The following CTNNA3 variants were observed in gnomAD, a reference collection of about 807,000 sequenced individuals.
CTNNA3 encodes the protein catenin alpha 3.
A neutral mutation model predicts 95.7 loss-of-function variants in CTNNA3; 76 were observed. The ratio of observed to expected loss-of-function variants is 0.79; its 90% CI spans 0.66 to 0.96. The LOEUF is 0.96. CTNNA3 is among the 40% of genes least tolerant of loss of function. The probability of loss-of-function intolerance (pLI) is 0.00; values close to 1 mark genes in which losing one functional copy is unlikely to be tolerated. For synonymous variants in CTNNA3, 431 were observed against 374.4 expected (o/e 1.15, Z -1.74); for missense variants, 1,191 against 1,089.8 (o/e 1.09, Z -1.31).
At chr10:67,474,547 T>C (rs1847935631) in intron 5 of CTNNA3, among the ~76,000 whole-genome samples, 1 of 152,180 alleles carries the variant, frequency 6.6e-6, no homozygotes, top group Non-Finnish European at 1.5e-5. Context: ...CCACCCAGTC[T>C]GAGTTCTTTT....
chr10:66,045,506 T>C (rs892202384), intron 15 of CTNNA3, among the ~76,000 whole-genome samples: 11 of 152,188 alleles, frequency 7.2e-5, no homozygotes, highest in Admixed American at 1.3e-4. Flanking sequence ...TGTAGAAATA[T>C]ATTTATTTAC....
At chr10:66,353,769 C>G (rs1008019951) in intron 12 of CTNNA3, among the ~76,000 whole-genome samples, 5 of 151,744 alleles carry the variant, frequency 3.3e-5, no homozygotes, top group Non-Finnish European at 5.9e-5. Context: ...GATTAATCAA[C>G]CCAGGGATAG....
intron 8 of CTNNA3, among the ~76,000 whole-genome samples, chr10:66,774,605 T>C (rs1164342854): frequency 6.6e-6 from 1 of 152,156 alleles, no homozygotes; most frequent in Non-Finnish European, 1.5e-5. Flanking sequence ...AATTAAAAGA[T>C]TGCTTAGCCA....
chr10:67,620,932 T>C (rs1280130325), intron 2 of CTNNA3, among the ~76,000 whole-genome samples: 2 of 117,526 alleles, frequency 1.7e-5, no homozygotes, highest in African/African-American at 4.3e-5. Context: ...TGTATATATA[T>C]ATATATATAT....
chr10:66,882,123 A>T (rs1844872603), intron 7 of CTNNA3, among the ~76,000 whole-genome samples: 1 of 152,030 alleles, frequency 6.6e-6, no homozygotes, highest in African/African-American at 2.4e-5. Context: ...TACATATCAA[A>T]ATATTTAGCA....
Position 66,798,477 on chromosome 10 carries a change from A to T in CTNNA3, c.1048-22953T>A, listed in dbSNP as rs534215593. 4.6e-5 allele frequency among the ~76,000 whole-genome samples: 7 copies of T among 151,836 alleles called. No individual in the cohort carries two copies. In the South Asian group the frequency reaches 1.5e-3, roughly 31 times the overall value. On this transcript the variant is annotated intron_variant, in intron 7 of 17. Coordinates refer to ENST00000433211, the MANE Select transcript of CTNNA3 (RefSeq NM_013266.4). The stretch of plus-strand genomic sequence containing the variant: ...AAATTGTGAAAATGGTGTAAAAGTG[A>T]TGGAAGTTTGGGAAACTCTGGAGTT...
At chr10:66,090,042 C>G (rs1395251266) in intron 14 of CTNNA3, among the ~76,000 whole-genome samples, 1 of 151,938 alleles carries the variant, frequency 6.6e-6, no homozygotes, top group Non-Finnish European at 1.5e-5. Context: ...ACATTCGTGA[C>G]TACATAATTG....
chr10:66,267,829 T>G (rs59294631), intron 13 of CTNNA3, among the ~76,000 whole-genome samples: 157 of 152,246 alleles, frequency 1.0e-3, no homozygotes, highest in African/African-American at 3.7e-3. Flanking sequence ...TCAAAAAGAT[T>G]ATGTATAGCT....
At chr10:66,915,722 A>G (rs1184780641) in intron 7 of CTNNA3, among the ~76,000 whole-genome samples, 1 of 146,482 alleles carries the variant, frequency 6.8e-6, no homozygotes, top group Non-Finnish European at 1.5e-5. Context: ...ATATATATAT[A>G]TACACACACA....
At chr10:67,158,973 T>TA (rs756151669) in intron 7 of CTNNA3, among the ~76,000 whole-genome samples, 118 of 151,908 alleles carry the variant, frequency 7.8e-4, no homozygotes, top group Non-Finnish European at 8.1e-4. Flanking sequence ...TACCTGTTTT[T>TA]AAAAAAAACA....
intron 17 of CTNNA3, among the ~76,000 whole-genome samples, chr10:65,940,914 C>G (rs2077419909): frequency 6.6e-6 from 1 of 152,136 alleles, no homozygotes; most frequent in African/African-American, 2.4e-5. Flanking sequence ...CAGAATGCCA[C>G]AATAATAATT....
intron 10 of CTNNA3, among the ~76,000 whole-genome samples, chr10:66,595,680 A>G (rs971275344): frequency 6.6e-6 from 1 of 152,062 alleles, no homozygotes; most frequent in African/African-American, 2.4e-5. Context: ...TCTGTTGCCC[A>G]GGCCAGAGGG....
chr10:65,998,313 C>T (rs141417729), intron 15 of CTNNA3, among the ~76,000 whole-genome samples: 115 of 152,248 alleles, frequency 7.6e-4, no homozygotes, highest in African/African-American at 2.6e-3. Context: ...ACCAAGAGCT[C>T]CTTTCTTTAA....
chr10:66,548,979 A>AT lies in CTNNA3; in HGVS notation c.1375-28207dup, dbSNP rs1165318505. The stretch of plus-strand genomic sequence containing the variant: ...CTTAAAATATGACTTGCCTTTCTCC[A>AT]TTTTTTTTTTTTTTTTTTTTTTTGT... On this transcript the variant is annotated intron_variant, in intron 10 of 17. Coordinates refer to ENST00000433211, the MANE Select transcript of CTNNA3 (RefSeq NM_013266.4). 4.7e-3 allele frequency among the ~76,000 whole-genome samples: 266 copies of AT among 57,168 alleles called. 5 individuals carry two copies. Among genetic ancestry groups the AT allele is most frequent in the East Asian group, 7.1e-3 (13 of 1,820 alleles). 37.5% of individuals were successfully genotyped at this position (57,168 alleles called of 152,430 possible). A position where few individuals can be genotyped will look rare whatever the true frequency, so the allele number is the denominator to read the frequency against.
intron 10 of CTNNA3, among the ~76,000 whole-genome samples, chr10:66,619,703 A>G (rs1431230746): frequency 1.3e-5 from 2 of 151,528 alleles, no homozygotes; most frequent in African/African-American, 4.8e-5. Context: ...CCTAAAACTT[A>G]AAGTATAATA....
intron 1 of CTNNA3, among the ~76,000 whole-genome samples, chr10:67,727,651 T>A (rs1336916319): frequency 7.8e-6 from 1 of 128,136 alleles, no homozygotes; most frequent in Admixed American, 9.1e-5. Context: ...TATTATTATA[T>A]TATATATGAT....
chr10:67,370,873 T>G (rs971732415), intron 5 of CTNNA3, among the ~76,000 whole-genome samples: 8 of 150,540 alleles, frequency 5.3e-5, no homozygotes, highest in South Asian at 4.2e-4. Context: ...TTTTTTGTTT[T>G]TTTTTTTTTT....
intron 9 of CTNNA3, among the ~76,000 whole-genome samples, chr10:66,647,664 C>A (rs1845753385): frequency 1.4e-5 from 2 of 143,776 alleles, no homozygotes; most frequent in Non-Finnish European, 3.0e-5. Flanking sequence ...GCACCTGCCA[C>A]CACGCCCAGC....
At chr10:66,789,277 A>G (rs1338820688) in intron 7 of CTNNA3, among the ~76,000 whole-genome samples, 1 of 151,966 alleles carries the variant, frequency 6.6e-6, no homozygotes, top group African/African-American at 2.4e-5. Flanking sequence ...CCTGGGTTCA[A>G]GTGCTTCTCC....
Sources: gnomAD v4.1 joint callset for allele counts (sites outside exome capture counted in the v4.1 genomes callset) on GRCh38, gnomAD v4.1.1 for gene constraint, MANE v1.5 for transcripts, NCBI Gene and HGNC (gene_info 2026-07-23, HGNC 2026-07-21) for gene names.